XPNPEP3: variants seen among roughly 807,000 people sequenced by gnomAD.
XPNPEP3 encodes X-prolyl aminopeptidase 3.
Under a neutral mutation model 60.0 loss-of-function variants are expected in XPNPEP3, and 41 were observed. That is an observed-to-expected ratio of 0.68 (90% CI 0.53 to 0.89). The LOEUF (loss-of-function observed/expected upper bound fraction) is 0.89. XPNPEP3 is among the 40% of genes least tolerant of loss of function. XPNPEP3 has a pLI of 0.00. For missense variants in XPNPEP3, 598 were observed against 638.9 expected (o/e 0.94, Z 0.69); for synonymous variants, 212 against 223.2 (o/e 0.95, Z 0.45).
At chr22:40,906,215 C>G (rs556960639) in intron 4 of XPNPEP3, among the ~76,000 whole-genome samples, 1 of 151,998 alleles carries the variant, frequency 6.6e-6, no homozygotes, top group African/African-American at 2.4e-5. Flanking sequence ...TGCTGGGTTA[C>G]AGGTGTGAGC....
At chr22:40,917,546 A>C (rs1276017154) in intron 7 of XPNPEP3, among the ~76,000 whole-genome samples, 1 of 152,148 alleles carries the variant, frequency 6.6e-6, no homozygotes, top group Non-Finnish European at 1.5e-5. Context: ...ACTGAATTGT[A>C]CACTTTTTTA....
chr22:40,920,531 G>A (rs1010896959), intron 7 of XPNPEP3, among the ~76,000 whole-genome samples: 1 of 151,914 alleles, frequency 6.6e-6, no homozygotes. Flanking sequence ...GTATACCAAA[G>A]CAGTTGTGGC....
intron 2 of XPNPEP3, among the ~76,000 whole-genome samples, chr22:40,880,667 T>G (rs2058043885): frequency 6.6e-6 from 1 of 151,282 alleles, no homozygotes; most frequent in Non-Finnish European, 1.5e-5. Flanking sequence ...GTTACCTTTT[T>G]AAAATTAAGA....
chr22:40,923,863 A>C (rs1001498591), intron 8 of XPNPEP3, among the ~76,000 whole-genome samples: 3 of 152,056 alleles, frequency 2.0e-5, no homozygotes, highest in Non-Finnish European at 4.4e-5. Flanking sequence ...AAAAAAAAGA[A>C]AGAAATACCC....
In XPNPEP3 at chr22:40,887,833, C is replaced by T. The variant is rs191972043; in HGVS notation, c.792+1318C>T. ...AGTTTTCACAGAGACCAAGTGTAAACCATAAATCTCACTGGCAAACTGATA... is the reference window on the plus strand; with the variant it reads ...AGTTTTCACAGAGACCAAGTGTAAATCATAAATCTCACTGGCAAACTGATA... On this transcript the variant is annotated intron_variant, in intron 4 of 9. Coordinates refer to ENST00000357137, the MANE Select transcript of XPNPEP3 (RefSeq NM_022098.4). Among the ~76,000 whole-genome samples the T allele has an allele frequency of 3.0e-3, 460 of 151,586 alleles. 4 individuals are homozygous for T. Among genetic ancestry groups the T allele is most frequent in the Middle Eastern group, 0.014 (4 of 294 alleles).
At chr22:40,907,472 A>T in intron 4 of XPNPEP3, 115 bp from the exon 5 acceptor site, 1 of 1,076,236 alleles carries the variant, frequency 9.3e-7, no homozygotes, top group Non-Finnish European at 1.4e-6. Flanking sequence ...TCACAACTTC[A>T]GGCTGACGAA....
rs376401979 is a variant in XPNPEP3 at position 40,884,490 on chromosome 22, C to T, written c.590-1823C>T. Among the ~76,000 whole-genome samples the T allele has an allele frequency of 1.5e-4, 23 of 151,090 alleles. 1 individual carries two copies. Among genetic ancestry groups the T allele is most frequent in the East Asian group, 5.9e-4 (3 of 5,072 alleles). The stretch of plus-strand genomic sequence containing the variant: ...GGTTACAGGCACGCGCCACCATGCC[C>T]GGGGAATTTTTCTGTTTTTTTTTAG... On this transcript the variant is annotated intron_variant, in intron 3 of 9. Coordinates refer to ENST00000357137, the MANE Select transcript of XPNPEP3 (RefSeq NM_022098.4).
At chr22:40,857,761 C>T (rs1014826764) in intron 1 of XPNPEP3, among the ~76,000 whole-genome samples, 2 of 152,214 alleles carry the variant, frequency 1.3e-5, no homozygotes, top group African/African-American at 4.8e-5. Flanking sequence ...TGTAGGGTGT[C>T]CTCTATTGCG....
chr22:40,909,011 A>G lies in XPNPEP3; in HGVS notation c.856-111A>G, dbSNP rs541812295. ...GGTTAGATATGATGAATAGCTTCCC[A>G]GTAATGACTTAAGATAAGTACTGGT... On this transcript the variant is annotated intron_variant, in intron 5 of 9. Transcript: ENST00000357137. The G allele has an allele frequency of 8.5e-6, 7 of 825,602 alleles. No homozygotes were observed. In the East Asian group the frequency reaches 9.9e-5, roughly 12 times the overall value. 51.1% of individuals were successfully genotyped at this position (825,602 alleles called of 1,614,324 possible). A position where few individuals can be genotyped will look rare whatever the true frequency, so the allele number is the denominator to read the frequency against.
At chr22:40,881,106 C>T (rs1397320532) in intron 2 of XPNPEP3, among the ~76,000 whole-genome samples, 2 of 151,748 alleles carry the variant, frequency 1.3e-5, no homozygotes, top group East Asian at 3.9e-4. Flanking sequence ...AGTGCAGTGG[C>T]GGGATCTTGG....
chr22:40,927,500 C>T lies in XPNPEP3; in HGVS notation c.*1065C>T, dbSNP rs1487170501. The T allele has an allele frequency of 6.6e-6, 1 of 151,136 alleles. No homozygotes were observed. Among genetic ancestry groups the T allele is most frequent in the African/African-American group, 2.4e-5 (1 of 41,142 alleles). The allele number at this position is 151,136 out of a possible 1,614,324, so 9.4% of individuals were successfully genotyped here. On this transcript the variant is annotated 3_prime_UTR_variant, in exon 10 of 10. Transcript: ENST00000357137. ...AAAAAACAAATAAATAAATAAAATC[C>T]TGACATCCTGCCATCTTTTCTCTTC...
In XPNPEP3 at chr22:40,922,273, G is replaced by A. The variant is rs114860858; in HGVS notation, c.1056-60G>A. The A allele has an allele frequency of 1.3e-3, 2,108 of 1,600,686 alleles. 20 individuals carry two copies. The African/African-American group carries it at 0.023, about 18-fold the overall frequency. ...GGGGTTTTTCTAATCAAACTTAGTA[G>A]CAAACTTCTTAGAATATCAGATTAT... On this transcript the variant is annotated intron_variant, in intron 7 of 9. Transcript: ENST00000357137.
chr22:40,905,811 T>TA (rs930416417), intron 4 of XPNPEP3, among the ~76,000 whole-genome samples: 1 of 152,012 alleles, frequency 6.6e-6, no homozygotes, highest in African/African-American at 2.4e-5. Flanking sequence ...CTTTTTTTTT[T>TA]AGACAGAGTC....
At chr22:40,912,184 GATAA>G (rs1293630992) in intron 6 of XPNPEP3, among the ~76,000 whole-genome samples, 2 of 152,076 alleles carry the variant, frequency 1.3e-5, no homozygotes, top group African/African-American at 4.8e-5. Context: ...TTCTTAGTGT[GATAA>G]ATATTCATAG....
At chr22:40,888,947 G>A (rs986659382) in intron 4 of XPNPEP3, among the ~76,000 whole-genome samples, 2 of 151,820 alleles carry the variant, frequency 1.3e-5, no homozygotes, top group South Asian at 2.1e-4. Context: ...GTTTGGATTT[G>A]TATTTCCCTA....
chr22:40,910,877 G>A (rs1435641728), intron 6 of XPNPEP3, among the ~76,000 whole-genome samples: 5 of 152,028 alleles, frequency 3.3e-5, no homozygotes, highest in Non-Finnish European at 5.9e-5. Context: ...GTGTGGTGGC[G>A]TGTGCCTGTA....
At position 40,922,445 on chromosome 22, in the gene XPNPEP3, A is replaced by G; in HGVS notation, c.1168A>G (p.Thr390Ala). 1 of 1,613,980 alleles carries G rather than the reference A, an allele frequency of 6.2e-7. No individual in the cohort carries two copies. The highest frequency in any genetic ancestry group is 1.1e-5 in the South Asian group (1 of 91,080). The change falls in exon 8 of 10, where the codon ACC (threonine) becomes GCC (alanine). Residue 390 changes from threonine to alanine, a missense_variant. Thr to Ala is a moderately conservative substitution (Grantham distance 58). Coordinates refer to ENST00000357137, the MANE Select transcript of XPNPEP3 (RefSeq NM_022098.4). The stretch of plus-strand genomic sequence containing the variant: ...GGAGAACATCTACAGCATGATGCTG[A>G]CCCTGATAGGACAGAAGCTTAAAGA... ...SLENIYSMMLTLIGQKLKDLG... is the reference protein window; with the variant it reads ...SLENIYSMMLALIGQKLKDLG...
At chr22:40,861,179 C>G in intron 1 of XPNPEP3, 1 of 1,614,018 alleles carries the variant, frequency 6.2e-7, no homozygotes. Context: ...TGCTGGTAAC[C>G]CAAGATATAC....
chr22:40,870,541 T>A (rs773102805), intron 2 of XPNPEP3, among the ~76,000 whole-genome samples: 1 of 152,154 alleles, frequency 6.6e-6, no homozygotes, highest in Non-Finnish European at 1.5e-5. Context: ...TGGAAGTAGA[T>A]GGAATTTTAA....
Sources: allele counts gnomAD v4.1 joint callset (sites outside exome capture counted in the v4.1 genomes callset), GRCh38; gene constraint gnomAD v4.1.1; transcripts MANE v1.5; gene names NCBI Gene and HGNC (gene_info 2026-07-23, HGNC 2026-07-21).